Variants in PAPOLG observed in about 807,000 individuals in gnomAD.
PAPOLG encodes the protein PAP-gamma.
In PAPOLG, 40 loss-of-function variants were observed where a neutral mutation model predicts 99.0. The observed-to-expected ratio is 0.40, with a 90% CI of 0.31 to 0.53. PAPOLG has a LOEUF of 0.53. Ranked by LOEUF, PAPOLG falls within the 20% of genes least tolerant of loss-of-function variation. The probability of loss-of-function intolerance (pLI) is 0.41; values close to 1 mark genes in which losing one functional copy is unlikely to be tolerated. For missense variants in PAPOLG, 675 were observed against 884.1 expected (o/e 0.76, Z 3.00); for synonymous variants, 310 against 299.3 (o/e 1.04, Z -0.37).
At chr2:60,772,891 A>G (rs1670897530) in intron 7 of PAPOLG, among the ~76,000 whole-genome samples, 1 of 151,970 alleles carries the variant, frequency 6.6e-6, no homozygotes, top group Non-Finnish European at 1.5e-5. Flanking sequence ...ATATAATTAC[A>G]TACCATTATA....
At chr2:60,795,184 T>A in intron 21 of PAPOLG, 164 bp downstream of exon 21, 1 of 665,438 alleles carries the variant, frequency 1.5e-6, no homozygotes, top group Non-Finnish European at 2.7e-6. Flanking sequence ...AGCAAGTATA[T>A]AGTTCTGAAT....
At position 60,756,483 on chromosome 2, in the gene PAPOLG, AAG is replaced by A. The variant is rs1380268442; in HGVS notation, c.9_10del (p.Glu3AspfsTer23). The A allele has an allele frequency of 3.1e-6, 5 of 1,610,636 alleles. No homozygotes were observed. The South Asian group carries it at 3.3e-5, about 11-fold the overall frequency. ...GAGAGGGAGACGCAGGAAGCGATGA[AAG>A]AGATGTCTGCGTAAGTGGTGGGGGG... On this transcript the variant is annotated frameshift_variant, in exon 1 of 22. Coordinates refer to ENST00000238714, the MANE Select transcript of PAPOLG (RefSeq NM_022894.4). LOFTEE classifies it high-confidence loss of function.
At position 60,801,731 on chromosome 2, in the gene PAPOLG, GC is replaced by G. The variant is rs1301335776; in HGVS notation, c.*4574del. ...TGGGATTACAGGCGTGAGCCACCGT[GC>G]CCAGCCCCTATTTTTTCTGAAATAA... On this transcript the variant is annotated 3_prime_UTR_variant, in exon 22 of 22. Transcript: ENST00000238714. The G allele has an allele frequency of 6.6e-6, 1 of 152,134 alleles. No homozygotes were observed. Among genetic ancestry groups the G allele is most frequent in the Non-Finnish European group, 1.5e-5 (1 of 68,022 alleles). The allele number at this position is 152,134 out of a possible 1,614,324, so 9.4% of individuals were successfully genotyped here.
intron 7 of PAPOLG, among the ~76,000 whole-genome samples, chr2:60,774,195 C>T (rs111520240): frequency 1.8e-3 from 256 of 141,862 alleles, no homozygotes; most frequent in African/African-American, 6.2e-3. Flanking sequence ...CCCGGGTTCA[C>T]GCTGTTGCCC....
At chr2:60,770,534 A>C in intron 6 of PAPOLG, 23 bp downstream of exon 6, 1 of 1,465,394 alleles carries the variant, frequency 6.8e-7, no homozygotes, top group South Asian at 1.2e-5. Context: ...TATTTTTCTG[A>C]CTTTACAATT....
At chr2:60,765,277 C>T (rs151319363) in intron 3 of PAPOLG, among the ~76,000 whole-genome samples, 1,656 of 147,936 alleles carry the variant, frequency 0.011, 7 homozygotes, top group Middle Eastern at 0.05. Context: ...GGGGTCTTGC[C>T]ATGTTGCCCA....
At chr2:60,757,857 G>T (rs148297699) in intron 1 of PAPOLG, among the ~76,000 whole-genome samples, 141 of 152,278 alleles carry the variant, frequency 9.3e-4, no homozygotes, top group African/African-American at 3.3e-3. Flanking sequence ...CTCTAGATGG[G>T]GGAAGTTCAG....
chr2:60,757,750 G>T (rs770998826), intron 1 of PAPOLG, among the ~76,000 whole-genome samples: 1 of 152,082 alleles, frequency 6.6e-6, no homozygotes, highest in Non-Finnish European at 1.5e-5. Context: ...GTGTCTCTTT[G>T]TACGCTTGTA....
chr2:60,798,801 C>G lies in PAPOLG; in HGVS notation c.*1641C>G, dbSNP rs1427596312. 3.3e-5 allele frequency: 5 copies of G among 152,312 alleles called. No homozygotes were observed. Among genetic ancestry groups the G allele is most frequent in the African/African-American group, 4.8e-5 (2 of 41,432 alleles). The allele number at this position is 152,312 out of a possible 1,614,324, so 9.4% of individuals were successfully genotyped here. ...TCCAGGTCCCACTCCTGTTCATTGC[C>G]CCTTAGGTCTCCAAAATGTAAATTC... On this transcript the variant is annotated 3_prime_UTR_variant, in exon 22 of 22. Coordinates refer to ENST00000238714, the MANE Select transcript of PAPOLG (RefSeq NM_022894.4).
At position 60,792,018 on chromosome 2, in the gene PAPOLG, T is replaced by C. The variant is rs2103822908; in HGVS notation, c.1519-111T>C. The C allele has an allele frequency of 2.7e-6, 4 of 1,454,842 alleles. No homozygotes were observed. The South Asian group carries it at 4.1e-5, about 15-fold the overall frequency. 90.1% of individuals were successfully genotyped at this position (1,454,842 alleles called of 1,614,324 possible). A position where few individuals can be genotyped will look rare whatever the true frequency, so the allele number is the denominator to read the frequency against. ...GGCAGTTCAATCTAGGACTAAAATCTCATTTTCATTAATCACAAGAGATAA... is the reference window on the plus strand; with the variant it reads ...GGCAGTTCAATCTAGGACTAAAATCCCATTTTCATTAATCACAAGAGATAA... On this transcript the variant is annotated intron_variant, in intron 16 of 21. Transcript: ENST00000238714.
chr2:60,767,976 T>C (rs998504880), intron 3 of PAPOLG, among the ~76,000 whole-genome samples: 3 of 152,238 alleles, frequency 2.0e-5, no homozygotes. Context: ...CCTCTGGGAA[T>C]ACCCTTATTA....
intron 13 of PAPOLG, among the ~76,000 whole-genome samples, chr2:60,783,552 C>T (rs1019724751): frequency 2.4e-4 from 33 of 138,180 alleles, no homozygotes; most frequent in Non-Finnish European, 2.9e-4. Context: ...CCTCTGTCAC[C>T]CAGACTGGAG....
In PAPOLG at chr2:60,794,259, T is replaced by A. The variant is rs567624751; in HGVS notation, c.1989+68T>A. The stretch of plus-strand genomic sequence containing the variant: ...TTATAGTTAATACTAAAGAAACAAT[T>A]TTCCATAGCTGTTGGTGTTCTGTTA... On this transcript the variant is annotated intron_variant, in intron 19 of 21. Transcript: ENST00000238714. 1,530 of 1,428,476 alleles carry A rather than the reference T, an allele frequency of 1.1e-3. 30 individuals are homozygous for A. In the South Asian group the frequency reaches 0.02, roughly 19 times the overall value. 88.5% of individuals were successfully genotyped at this position (1,428,476 alleles called of 1,614,324 possible).
chr2:60,800,637 A>G lies in PAPOLG; in HGVS notation c.*3477A>G, dbSNP rs555202892. 2 of 152,464 alleles carry G rather than the reference A, an allele frequency of 1.3e-5. No homozygotes were observed. Among genetic ancestry groups the G allele is most frequent in the African/African-American group, 4.8e-5 (2 of 41,572 alleles). 9.4% of individuals were successfully genotyped at this position (152,464 alleles called of 1,614,324 possible). ...AAATGGGCTAAACTTATTTTCCACTATGTTCCACACCTTTGAAATAGGAAT... is the reference window on the plus strand; with the variant it reads ...AAATGGGCTAAACTTATTTTCCACTGTGTTCCACACCTTTGAAATAGGAAT... On this transcript the variant is annotated 3_prime_UTR_variant, in exon 22 of 22. Coordinates refer to ENST00000238714, the MANE Select transcript of PAPOLG (RefSeq NM_022894.4).
chr2:60,789,343 A>G (rs558812633), intron 15 of PAPOLG, among the ~76,000 whole-genome samples: 2 of 151,616 alleles, frequency 1.3e-5, no homozygotes, highest in African/African-American at 4.8e-5. Context: ...ATAAAATAAA[A>G]TAGAAAATAA....
intron 13 of PAPOLG, among the ~76,000 whole-genome samples, chr2:60,785,438 G>A (rs746000644): frequency 3.9e-5 from 6 of 152,150 alleles, no homozygotes; most frequent in South Asian, 2.1e-4. Context: ...TGCCCAGCCC[G>A]TGAATTTTTT....
Position 60,798,965 on chromosome 2 carries a change from C to T in PAPOLG, c.*1805C>T, listed in dbSNP as rs1372203968. 1 of 152,310 alleles carries T rather than the reference C, an allele frequency of 6.6e-6. No individual in the cohort carries two copies. The highest frequency in any genetic ancestry group is 1.5e-5 in the Non-Finnish European group (1 of 68,040). 9.4% of individuals were successfully genotyped at this position (152,310 alleles called of 1,614,324 possible). On this transcript the variant is annotated 3_prime_UTR_variant, in exon 22 of 22. Coordinates refer to ENST00000238714, the MANE Select transcript of PAPOLG (RefSeq NM_022894.4). ...ATAAAATCACATAACCAAGTTGAAG[C>T]TTCCTTGGCAAAGCTGTTGTCTTAG...
rs1278609352 is a variant in PAPOLG at position 60,800,870 on chromosome 2, T to C, written c.*3710T>C. On this transcript the variant is annotated 3_prime_UTR_variant, in exon 22 of 22. Coordinates refer to ENST00000238714, the MANE Select transcript of PAPOLG (RefSeq NM_022894.4). Reference sequence around the variant, plus strand: ...TTCTACTTTTGATTTTGCTGTGGTATATTTCTGAAAATGTGCTGTGGCTCC... The same window carrying C: ...TTCTACTTTTGATTTTGCTGTGGTACATTTCTGAAAATGTGCTGTGGCTCC... The C allele has an allele frequency of 6.6e-6, 1 of 152,364 alleles. No individual in the cohort carries two copies. The highest frequency in any genetic ancestry group is 1.5e-5 in the Non-Finnish European group (1 of 68,038). 9.4% of individuals were successfully genotyped at this position (152,364 alleles called of 1,614,324 possible).
chr2:60,769,766 TTTTAC>T (rs1479637240), intron 5 of PAPOLG, among the ~76,000 whole-genome samples: 6 of 152,160 alleles, frequency 3.9e-5, no homozygotes, highest in African/African-American at 1.4e-4. Flanking sequence ...GTTTTTTTAA[TTTTAC>T]TTTAAGTTCT....
Sources: allele counts gnomAD v4.1 joint callset (sites outside exome capture counted in the v4.1 genomes callset), GRCh38; gene constraint gnomAD v4.1.1; transcripts MANE v1.5; gene names NCBI Gene and HGNC (gene_info 2026-07-23, HGNC 2026-07-21).